Variants in ZNF316 observed in about 807,000 individuals in gnomAD.
The protein encoded by ZNF316 is zinc finger protein 316.
A neutral mutation model predicts 75.6 loss-of-function variants in ZNF316; 23 were observed. The ratio of observed to expected loss-of-function variants is 0.30; its 90% CI spans 0.22 to 0.43. The LOEUF (loss-of-function observed/expected upper bound fraction) is 0.43. ZNF316 is among the 20% of genes least tolerant of loss of function. The pLI, the probability that ZNF316 is intolerant of heterozygous loss-of-function variation, is 1.00. For missense variants in ZNF316, 1,266 were observed against 1,409.4 expected (o/e 0.90, Z 1.63); for synonymous variants, 827 against 666.2 (o/e 1.24, Z -3.72).
rs1336693556 is a variant in ZNF316 at position 6,654,568 on chromosome 7, C to A, written c.2972C>A (p.Ala991Glu). 3.4e-6 allele frequency: 4 copies of A among 1,187,766 alleles called. No individual in the cohort carries two copies. Among genetic ancestry groups the A allele is most frequent in the African/African-American group, 1.6e-5 (1 of 62,326 alleles). The allele number at this position is 1,187,766 out of a possible 1,614,324, so 73.6% of individuals were successfully genotyped here. ...AGCTTCGGCTCCGAGCACCAGGCCG[C>A]GTTCGCCGGGCCCTCGGGCGCCTAC... ...GTSFGSEHQA[A>E]FAGPSGAYRE... The change falls in exon 9 of 9, where the codon GCG becomes GAG. Residue 991 changes from alanine to glutamate, a missense_variant. By Grantham distance (107) the Ala-to-Glu change is moderately radical. This residue lies in a region of ZNF316 where 111 missense variants were observed against 99.2 expected (regional missense o/e 1.12). Transcript: ENST00000382252.
chr7:6,638,364 C>T (rs1267082034), intron 2 of ZNF316, among the ~76,000 whole-genome samples: 1 of 152,132 alleles, frequency 6.6e-6, no homozygotes, highest in African/African-American at 2.4e-5. Flanking sequence ...GGAAGTCCTT[C>T]AGGAGGGCAT....
chr7:6,653,074 C>T lies in ZNF316; in HGVS notation c.1478C>T (p.Ala493Val), dbSNP rs2115319904. 1 of 1,206,616 alleles carries T rather than the reference C, an allele frequency of 8.3e-7. No individual in the cohort carries two copies. The highest frequency in any genetic ancestry group is 3.5e-5 in the East Asian group (1 of 28,866). The allele number at this position is 1,206,616 out of a possible 1,614,324, so 74.7% of individuals were successfully genotyped here. ...RPHCCPDCGQ[A>V]FRLRADFQRH... is the part of the protein sequence containing the mutation. ...CACTGCTGTCCCGACTGCGGCCAGG[C>T]CTTCCGCCTGCGCGCCGACTTCCAG... Residue 493 changes from alanine (A) to valine (V), a missense_variant, in exon 9 of 9, where the codon GCC (alanine) becomes GTC (valine). By Grantham distance (64) the Ala-to-Val change is moderately conservative. Coordinates refer to ENST00000382252, the MANE Select transcript of ZNF316 (RefSeq NM_001278559.2).
rs1285341665 is a variant in ZNF316, at chr7:6,654,660, C to T, written c.*49C>T. ...CAGCCTGCAGGGCCACCGGCCCCTC[C>T]CTTGGACGGCCGGCCCCCCGCTCCT... On this transcript the variant is annotated 3_prime_UTR_variant, in exon 9 of 9. Coordinates refer to ENST00000382252, the MANE Select transcript of ZNF316 (RefSeq NM_001278559.2). 2 of 1,157,602 alleles carry T rather than the reference C, an allele frequency of 1.7e-6. No homozygotes were observed. The highest frequency in any genetic ancestry group is 8.1e-5 in the East Asian group (2 of 24,612). 71.7% of individuals were successfully genotyped at this position (1,157,602 alleles called of 1,614,324 possible).
At chr7:6,644,910 C>T (rs960695212) in intron 8 of ZNF316, among the ~76,000 whole-genome samples, 10 of 152,228 alleles carry the variant, frequency 6.6e-5, no homozygotes, top group African/African-American at 2.2e-4. Flanking sequence ...GAGCCCAGCA[C>T]GCCATCGCGG....
At position 6,653,740 on chromosome 7, in the gene ZNF316, G is replaced by A; in HGVS notation, c.2144G>A (p.Gly715Asp). 9.1e-7 allele frequency: 1 copy of A among 1,097,540 alleles called. No individual in the cohort carries two copies. Among genetic ancestry groups the A allele is most frequent in the Non-Finnish European group, 1.1e-6 (1 of 900,436 alleles). 68.0% of individuals were successfully genotyped at this position (1,097,540 alleles called of 1,614,324 possible). The part of the protein sequence containing the change: ...ALAKHQRYHA[G>D]ERPHRCADCG... The stretch of plus-strand genomic sequence containing the variant: ...GCCAAGCACCAGCGCTACCACGCGG[G>A]CGAGCGGCCGCATCGCTGCGCCGAC... The change falls in exon 9 of 9, where the codon GGC becomes GAC. Residue 715 changes from glycine to aspartate, a missense_variant. Physicochemically the swap from Gly to Asp is moderately conservative, Grantham distance 94 (BLOSUM62 -1). Transcript: ENST00000382252.
At position 6,655,676 on chromosome 7, in the gene ZNF316, T is replaced by C. The variant is rs1779610965; in HGVS notation, c.*1065T>C. The C allele has an allele frequency of 6.6e-6, 1 of 152,230 alleles. No homozygotes were observed. The highest frequency in any genetic ancestry group is 1.5e-5 in the Non-Finnish European group (1 of 68,042). 9.4% of individuals were successfully genotyped at this position (152,230 alleles called of 1,614,324 possible). On this transcript the variant is annotated 3_prime_UTR_variant, in exon 9 of 9. Coordinates refer to ENST00000382252, the MANE Select transcript of ZNF316 (RefSeq NM_001278559.2). ...CACTCGCAGGTCCCTTTAACTCTGC[T>C]TCTGTCATTACACTAGAACAAGTAG...
chr7:6,652,755 C>T lies in ZNF316; in HGVS notation c.1159C>T (p.His387Tyr). Reference protein sequence around the residue: ...ECGKGFVYRSHLAIHQRTHTG... With the variant: ...ECGKGFVYRSYLAIHQRTHTG... ...CGGCAAGGGCTTCGTGTACCGCTCG[C>T]ACTTGGCCATCCACCAGCGCACGCA... The change falls in exon 9 of 9, where the codon CAC (histidine) becomes TAC (tyrosine). Residue 387 changes from histidine (H) to tyrosine (Y), a missense_variant. By Grantham distance (83) the His-to-Tyr change is moderately conservative. Around this residue, in one of 3 missense-constraint regions of ZNF316, gnomAD observed 961 missense variants for 990.9 expected, o/e 0.97. Transcript: ENST00000382252. 1.6e-6 allele frequency: 2 copies of T among 1,263,500 alleles called. No homozygotes were observed. Among genetic ancestry groups the T allele is most frequent in the Non-Finnish European group, 1.0e-6 (1 of 1,004,020 alleles). The allele number at this position is 1,263,500 out of a possible 1,614,324, so 78.3% of individuals were successfully genotyped here.
chr7:6,652,895 C>G lies in ZNF316; in HGVS notation c.1299C>G (p.Phe433Leu), dbSNP rs984654376. The G allele has an allele frequency of 1.6e-6, 2 of 1,239,296 alleles. No individual in the cohort carries two copies. The highest frequency in any genetic ancestry group is 4.2e-5 in the Admixed American group (1 of 23,792). 76.8% of individuals were successfully genotyped at this position (1,239,296 alleles called of 1,614,324 possible). Residue 433 changes from phenylalanine (F) to leucine (L), a missense_variant, in exon 9 of 9, where the codon TTC (phenylalanine) becomes TTG (leucine). This residue lies in a region of ZNF316 where 961 missense variants were observed against 990.9 expected (regional missense o/e 0.97). Coordinates refer to ENST00000382252, the MANE Select transcript of ZNF316 (RefSeq NM_001278559.2). ...GCGAGCGGCCCTACCGCTGCGCCTT[C>G]TGCGGCGCGGGCTTCGGGCGCCGCT... ...HTGERPYRCA[F>L]CGAGFGRRSY...
At position 6,639,871 on chromosome 7, in the gene ZNF316, G is replaced by T. The variant is rs1779282126; in HGVS notation, c.-167+730G>T. 6.6e-6 allele frequency among the ~76,000 whole-genome samples: 1 copy of T among 152,200 alleles called. No individual in the cohort carries two copies. The highest frequency in any genetic ancestry group is 2.4e-5 in the African/African-American group (1 of 41,436). ...TGGCTAGCATAACACGCAGCACGTG[G>T]ATTTCGACACTTTGGGCATCTTCAC... On this transcript the variant is annotated intron_variant, in intron 3 of 8. Coordinates refer to ENST00000382252, the MANE Select transcript of ZNF316 (RefSeq NM_001278559.2). The surrounding 1 kb of genome is among the most constrained non-coding windows in gnomAD (Gnocchi z 4.2).
intron 8 of ZNF316, among the ~76,000 whole-genome samples, chr7:6,649,851 G>C (rs963928626): frequency 2.0e-5 from 3 of 152,162 alleles, no homozygotes; most frequent in Non-Finnish European, 2.9e-5. Context: ...GATCCCACTG[G>C]GATGGGGGCT....
chr7:6,645,974 A>G (rs1392248694), intron 8 of ZNF316, among the ~76,000 whole-genome samples: 2 of 143,490 alleles, frequency 1.4e-5, no homozygotes, highest in Non-Finnish European at 3.0e-5. Context: ...AGCCTGGGTG[A>G]CAGAGTGAGA....
Position 6,654,198 on chromosome 7 carries a change from T to C in ZNF316, c.2602T>C (p.Phe868Leu). The C allele has an allele frequency of 8.2e-7, 1 of 1,224,040 alleles. No homozygotes were observed. Among genetic ancestry groups the C allele is most frequent in the Non-Finnish European group, 1.0e-6 (1 of 982,166 alleles). 75.8% of individuals were successfully genotyped at this position (1,224,040 alleles called of 1,614,324 possible). A position where few individuals can be genotyped will look rare whatever the true frequency, so the allele number is the denominator to read the frequency against. Reference sequence around the variant, plus strand: ...CCGCTGCGCCGACTGCGGCCGCGGCTTCGCGCAGCGCTCCAACCTGGCCAA... The same window carrying C: ...CCGCTGCGCCGACTGCGGCCGCGGCCTCGCGCAGCGCTCCAACCTGGCCAA... ...PFRCADCGRGFAQRSNLAKHR... is the reference protein window; with the variant it reads ...PFRCADCGRGLAQRSNLAKHR... The change falls in exon 9 of 9, where the codon TTC becomes CTC. Residue 868 changes from phenylalanine (F) to leucine (L), a missense_variant. Physicochemically the swap from Phe to Leu is conservative, Grantham distance 22 (BLOSUM62 0). This residue lies in a region of ZNF316 where 194 missense variants were observed against 319.2 expected (regional missense o/e 0.61). Coordinates refer to ENST00000382252, the MANE Select transcript of ZNF316 (RefSeq NM_001278559.2).
In ZNF316 at chr7:6,654,009, T is replaced by A; in HGVS notation, c.2413T>A (p.Cys805Ser). ...GCACACCGGGGAGCGGCCTTACGCG[T>A]GTGGAGAGTGCGGCCGGCGCTTCGG... ...RAHTGERPYACGECGRRFGQS... is the reference protein window; with the variant it reads ...RAHTGERPYASGECGRRFGQS... The change falls in exon 9 of 9, where the codon TGT (cysteine) becomes AGT (serine). Residue 805 changes from cysteine to serine, a missense_variant. Cys to Ser is a moderately radical substitution (Grantham distance 112). This residue lies in a region of ZNF316 where 194 missense variants were observed against 319.2 expected (regional missense o/e 0.61). Coordinates refer to ENST00000382252, the MANE Select transcript of ZNF316 (RefSeq NM_001278559.2). 8.4e-7 allele frequency: 1 copy of A among 1,188,370 alleles called. No individual in the cohort carries two copies. The highest frequency in any genetic ancestry group is 1.0e-6 in the Non-Finnish European group (1 of 960,518). The allele number at this position is 1,188,370 out of a possible 1,614,324, so 73.6% of individuals were successfully genotyped here.
chr7:6,658,074 A>G lies in ZNF316; in HGVS notation c.*3463A>G, dbSNP rs1487235030. On this transcript the variant is annotated 3_prime_UTR_variant, in exon 9 of 9. Transcript: ENST00000382252. ...AGCCCTGAGCGTCACTTTCCCCTCCATCTACCTTTGTTATTTCCTTTCTCT... is the reference window on the plus strand; with the variant it reads ...AGCCCTGAGCGTCACTTTCCCCTCCGTCTACCTTTGTTATTTCCTTTCTCT... Among the ~76,000 whole-genome samples the G allele has an allele frequency of 6.6e-6, 1 of 152,050 alleles. No homozygotes were observed. Among genetic ancestry groups the G allele is most frequent in the Non-Finnish European group, 1.5e-5 (1 of 68,016 alleles).
chr7:6,657,903 A>C lies in ZNF316; in HGVS notation c.*3292A>C, dbSNP rs1779655229. ...AGTTGACTGTCCAGCCAAATACTTA[A>C]AAAAAAAGTTTATAGGGAGAAAAAT... On this transcript the variant is annotated 3_prime_UTR_variant, in exon 9 of 9. Transcript: ENST00000382252. Among the ~76,000 whole-genome samples the C allele has an allele frequency of 2.0e-5, 3 of 151,584 alleles. No individual in the cohort carries two copies. Among genetic ancestry groups the C allele is most frequent in the African/African-American group, 7.3e-5 (3 of 41,316 alleles).
rs975632913 is a variant in ZNF316, at chr7:6,657,804, G to A, written c.*3193G>A. On this transcript the variant is annotated 3_prime_UTR_variant, in exon 9 of 9. Coordinates refer to ENST00000382252, the MANE Select transcript of ZNF316 (RefSeq NM_001278559.2). ...TGATTTTTCCATTGCACTCCAGCCT[G>A]GGTGACAGAACAAGACCCTATCTCA... 4.9e-5 allele frequency among the ~76,000 whole-genome samples: 7 copies of A among 143,430 alleles called. No individual in the cohort carries two copies. The highest frequency in any genetic ancestry group is 9.0e-5 in the Non-Finnish European group (6 of 66,536). The allele number at this position is 143,430 out of a possible 152,430, so 94.1% of individuals were successfully genotyped here. A position where few individuals can be genotyped will look rare whatever the true frequency, so the allele number is the denominator to read the frequency against.
rs1779541645 is a variant in ZNF316, at chr7:6,653,102, C to T, written c.1506C>T (p.Arg502=). 3 of 1,178,698 alleles carry T rather than the reference C, an allele frequency of 2.5e-6. No individual in the cohort carries two copies. Among genetic ancestry groups the T allele is most frequent in the Admixed American group, 4.6e-5 (1 of 21,726 alleles). 73.0% of individuals were successfully genotyped at this position (1,178,698 alleles called of 1,614,324 possible). The change falls in exon 9 of 9, where the codon CGC becomes CGT. Residue 502 remains arginine (R), a synonymous_variant. Coordinates refer to ENST00000382252, the MANE Select transcript of ZNF316 (RefSeq NM_001278559.2). ...TCCGCCTGCGCGCCGACTTCCAGCG[C>T]CACCGACGCGGCGGGGGCTGCGCGG... ...QAFRLRADFQ[R]HRRGGGCAEA... is the part of the protein sequence containing the mutation.
intron 8 of ZNF316, among the ~76,000 whole-genome samples, chr7:6,648,231 G>A (rs1388634714): frequency 2.0e-5 from 3 of 152,134 alleles, no homozygotes; most frequent in South Asian, 2.1e-4. Flanking sequence ...AGGGTGCCCC[G>A]CCCCTCCTGT....
intron 8 of ZNF316, among the ~76,000 whole-genome samples, chr7:6,645,689 T>A (rs1200568660): frequency 3.9e-4 from 50 of 126,982 alleles, no homozygotes; most frequent in Admixed American, 6.0e-4. Flanking sequence ...GTCTCAAAAA[T>A]TAAAAAAGAA....
Sources: gnomAD v4.1 joint callset for allele counts (sites outside exome capture counted in the v4.1 genomes callset) on GRCh38, gnomAD v4.1.1 for gene constraint, gnomAD v4.1.1 regional missense constraint, Gnocchi (gnomAD v3.1) non-coding constraint, MANE v1.5 for transcripts, NCBI Gene and HGNC (gene_info 2026-07-23, HGNC 2026-07-21) for gene names.